Variants in CACNA1G observed in about 807,000 individuals in gnomAD.
CACNA1G encodes the protein calcium voltage-gated channel subunit alpha1 G, also known as voltage-dependent T-type calcium channel subunit alpha-1G.
CACNA1G carries 67 observed loss-of-function variants against 219.4 expected under a neutral mutation model. The observed-to-expected ratio is 0.31, with a 90% CI of 0.25 to 0.37. The LOEUF (loss-of-function observed/expected upper bound fraction) is 0.37. Among genes scored for constraint, CACNA1G ranks in the 10% least tolerant of loss-of-function variants. CACNA1G has a pLI of 1.00. For synonymous variants in CACNA1G, 1,296 were observed against 1,345.3 expected, an observed-to-expected ratio of 0.96 and a Z score of 0.80; for missense variants, 2,380 against 3,231.4, an observed-to-expected ratio of 0.74 and a Z score of 6.39.
intron 27 of CACNA1G, among the ~76,000 whole-genome samples, chr17:50,615,732 G>T (rs1007836800): frequency 6.6e-6 from 1 of 152,268 alleles, no homozygotes; most frequent in African/African-American, 2.4e-5. Flanking sequence ...AGGTCACACA[G>T]AAAGGGAGTG....
chr17:50,573,302 G>A (rs1220207178), intron 7 of CACNA1G, 189 bp downstream of exon 7: 4 of 584,062 alleles, frequency 6.8e-6, no homozygotes, highest in South Asian at 2.0e-5. Flanking sequence ...AGGTCAAGGC[G>A]GGACTTAACT....
intron 26 of CACNA1G, among the ~76,000 whole-genome samples, chr17:50,612,889 G>A (rs753200497): frequency 4.8e-4 from 73 of 152,216 alleles, no homozygotes; most frequent in Non-Finnish European, 9.7e-4. Flanking sequence ...ACAGGTCCAG[G>A]CTCCTCCTGG....
At chr17:50,583,025 G>GT (rs2042270368) in intron 9 of CACNA1G, among the ~76,000 whole-genome samples, 1 of 152,170 alleles carries the variant, frequency 6.6e-6, no homozygotes, top group South Asian at 2.1e-4. Context: ...TCCAGATATG[G>GT]TAAGTCTGAA....
At position 50,571,231 on chromosome 17, in the gene CACNA1G, G is replaced by A. The variant is rs990196850; in HGVS notation, c.587-647G>A. ...AGCAGGGAATAGTTTCAGGGAAGCAGGGCTCAGAGCCATAGTGAAGCACAG... is the reference window on the plus strand; with the variant it reads ...AGCAGGGAATAGTTTCAGGGAAGCAAGGCTCAGAGCCATAGTGAAGCACAG... On this transcript the variant is annotated intron_variant, in intron 4 of 37. Transcript: ENST00000359106. This position sits in a 1 kb window ranked among gnomAD's most constrained non-coding sequence, Gnocchi z 4.3. Among the ~76,000 whole-genome samples, 3 of 152,196 alleles carry A rather than the reference G, an allele frequency of 2.0e-5. No homozygotes were observed. Among genetic ancestry groups the A allele is most frequent in the African/African-American group, 4.8e-5 (2 of 41,454 alleles).
intron 10 of CACNA1G, 47 bp downstream of exon 10, chr17:50,590,669 GGGGTGGCTT>G (rs2044100479): frequency 6.3e-7 from 1 of 1,579,938 alleles, no homozygotes; most frequent in African/African-American, 1.3e-5. Flanking sequence ...AATGGTAGCA[GGGGTGGCTT>G]GGGGCCAGGG....
intron 26 of CACNA1G, among the ~76,000 whole-genome samples, chr17:50,614,681 G>C (rs1222029838): frequency 6.6e-6 from 1 of 152,242 alleles, no homozygotes; most frequent in Non-Finnish European, 1.5e-5. Context: ...GCTGGGCAGT[G>C]CCTCATTAGA....
At chr17:50,625,985 T>G in intron 37 of CACNA1G, 32 bp from the exon 38 acceptor site, 4 of 1,572,924 alleles carry the variant, frequency 2.5e-6, no homozygotes, top group Non-Finnish European at 3.5e-6. Flanking sequence ...GAGAGGAGAC[T>G]GCTGGGCTGA....
chr17:50,589,910 C>CTGTGTG (rs1433425710), intron 9 of CACNA1G, among the ~76,000 whole-genome samples: 148 of 146,474 alleles, frequency 1.0e-3, no homozygotes, highest in African/African-American at 3.8e-3. Flanking sequence ...CTCTCTCTCT[C>CTGTGTG]TCTGTGTGTG....
chr17:50,593,180 G>T (rs977173290), intron 13 of CACNA1G, among the ~76,000 whole-genome samples: 1 of 152,148 alleles, frequency 6.6e-6, no homozygotes, highest in Non-Finnish European at 1.5e-5. Flanking sequence ...ATGCTCCCTG[G>T]AATGGGACAC....
chr17:50,561,394 G>A lies in CACNA1G; in HGVS notation c.-66G>A, dbSNP rs2035544204. The A allele has an allele frequency of 6.5e-7, 1 of 1,530,960 alleles. No individual in the cohort carries two copies. The highest frequency in any genetic ancestry group is 2.5e-5 in the East Asian group (1 of 40,750). 94.8% of individuals were successfully genotyped at this position (1,530,960 alleles called of 1,614,324 possible). On this transcript the variant is annotated 5_prime_UTR_variant, in exon 1 of 38. Transcript: ENST00000359106. The stretch of plus-strand genomic sequence containing the variant: ...CGCCGGGGCCCCCGGGTTGCGTGAG[G>A]ACACCTCCTCTGAGGGGCGCCGCTT...
intron 16 of CACNA1G, among the ~76,000 whole-genome samples, 183 bp from the exon 17 acceptor site, chr17:50,599,245 C>T (rs939471269): frequency 5.9e-5 from 9 of 152,230 alleles, no homozygotes; most frequent in African/African-American, 2.2e-4. Context: ...TAATAACTTG[C>T]CCCAGGTCAC....
chr17:50,626,145 G>A lies in CACNA1G; in HGVS notation c.6528G>A (p.Gln2176=), dbSNP rs776682358. ...CTTTCTGGGGCCAGTCAAGTACCCA[G>A]GCACAGCAGCACTCCCGCAGCCACA... ...AYSFWGQSST[Q]AQQHSRSHSK... is the part of the protein sequence containing the mutation. Residue 2176 remains glutamine (Q), a synonymous_variant, in exon 38 of 38, where the codon CAG becomes CAA. Coordinates refer to ENST00000359106, the MANE Select transcript of CACNA1G (RefSeq NM_018896.5). This position sits in a 1 kb window ranked among gnomAD's most constrained non-coding sequence, Gnocchi z 4.3. 4 of 1,613,814 alleles carry A rather than the reference G, an allele frequency of 2.5e-6. No individual in the cohort carries two copies. The highest frequency in any genetic ancestry group is 3.4e-6 in the Non-Finnish European group (4 of 1,179,848).
chr17:50,586,877 C>T (rs975730255), intron 9 of CACNA1G, among the ~76,000 whole-genome samples: 4 of 152,108 alleles, frequency 2.6e-5, no homozygotes, highest in East Asian at 1.9e-4. Flanking sequence ...AGGTGACAGC[C>T]GGAGGGGAGG....
At chr17:50,576,573 G>T (rs1184034177) in intron 8 of CACNA1G, among the ~76,000 whole-genome samples, 1 of 152,234 alleles carries the variant, frequency 6.6e-6, no homozygotes, top group Non-Finnish European at 1.5e-5. Context: ...CCTGCTTCGT[G>T]CTGTTTGCAA....
chr17:50,578,147 A>G lies in CACNA1G; in HGVS notation c.1925-41A>G, dbSNP rs2041125228. ...CTCACAGGGCAGGGTAGCCCCAGGT[A>G]CGAGACTCTGGAGCCTCTCACCTCT... On this transcript the variant is annotated intron_variant, in intron 8 of 37. Transcript: ENST00000359106. This position sits in a 1 kb window ranked among gnomAD's most constrained non-coding sequence, Gnocchi z 4.5. 2.0e-6 allele frequency: 3 copies of G among 1,506,666 alleles called. No homozygotes were observed. Among genetic ancestry groups the G allele is most frequent in the Non-Finnish European group, 2.7e-6 (3 of 1,131,396 alleles). The allele number at this position is 1,506,666 out of a possible 1,614,324, so 93.3% of individuals were successfully genotyped here.
rs1339283661 is a variant in CACNA1G, at chr17:50,624,019, G to A, written c.6173G>A (p.Ser2058Asn). ...GACAGCTACATGTGTCGGCATGGGA[G>A]CACTGCCGAGGGGCCCCTGGGACAC... is the stretch of plus-strand genomic sequence containing the variant. ...PNDSYMCRHG[S>N]TAEGPLGHRG... The change falls in exon 36 of 38, where the codon AGC (serine) becomes AAC (asparagine). Residue 2058 changes from serine (S) to asparagine (N), a missense_variant. Coordinates refer to ENST00000359106, the MANE Select transcript of CACNA1G (RefSeq NM_018896.5). The A allele has an allele frequency of 1.9e-6, 3 of 1,613,004 alleles. No individual in the cohort carries two copies. Among genetic ancestry groups the A allele is most frequent in the Non-Finnish European group, 2.5e-6 (3 of 1,179,798 alleles).
In CACNA1G at chr17:50,617,991, G is replaced by A. The variant is rs1289429288; in HGVS notation, c.5227-57G>A. The A allele has an allele frequency of 2.5e-6, 4 of 1,612,822 alleles. No individual in the cohort carries two copies. The South Asian group carries it at 4.4e-5, about 18-fold the overall frequency. On this transcript the variant is annotated intron_variant, in intron 30 of 37. Coordinates refer to ENST00000359106, the MANE Select transcript of CACNA1G (RefSeq NM_018896.5). This position sits in a 1 kb window ranked among gnomAD's most constrained non-coding sequence, Gnocchi z 5.8. The stretch of plus-strand genomic sequence containing the variant: ...GTGCTTTCCAGAGGGAAGGGGCTCA[G>A]AGAAGCTGACTGGGAGACCCAGCGG...
At chr17:50,582,118 T>A (rs1275506106) in intron 9 of CACNA1G, among the ~76,000 whole-genome samples, 3 of 152,144 alleles carry the variant, frequency 2.0e-5, no homozygotes, top group Non-Finnish European at 2.9e-5. Flanking sequence ...TTTAAAGAGG[T>A]CACAACAAGT....
At position 50,600,519 on chromosome 17, in the gene CACNA1G, G is replaced by T. The variant is rs561910956; in HGVS notation, c.3691-207G>T. Among the ~76,000 whole-genome samples the T allele has an allele frequency of 6.6e-5, 10 of 152,002 alleles. No homozygotes were observed. The highest frequency in any genetic ancestry group is 1.3e-4 in the Non-Finnish European group (9 of 67,952). On this transcript the variant is annotated intron_variant, in intron 17 of 37. Transcript: ENST00000359106. This position sits in a 1 kb window ranked among gnomAD's most constrained non-coding sequence, Gnocchi z 4.1. ...AGAGGGAGGAGGTGGAGAGGCAAGG[G>T]GTCCTCAGGGATGGGGAGGGGGCCT...
Sources: gnomAD v4.1 joint callset for allele counts (sites outside exome capture counted in the v4.1 genomes callset) on GRCh38, gnomAD v4.1.1 for gene constraint, Gnocchi (gnomAD v3.1) non-coding constraint, MANE v1.5 for transcripts, NCBI Gene and HGNC (gene_info 2026-07-23, HGNC 2026-07-21) for gene names.